The following RGL1 variants were observed in gnomAD, a reference collection of about 807,000 sequenced individuals.
The protein encoded by RGL1 is ral guanine nucleotide dissociation stimulator like 1.
RGL1 carries 24 observed loss-of-function variants against 95.2 expected under a neutral mutation model. That is an observed-to-expected ratio of 0.25 (90% CI 0.18 to 0.35). The LOEUF is 0.35. Among genes scored for constraint, RGL1 ranks in the 10% least tolerant of loss-of-function variants. The pLI, the probability that RGL1 is intolerant of heterozygous loss-of-function variation, is 1.00. For missense variants in RGL1, 715 were observed against 936.3 expected, an observed-to-expected ratio of 0.76 and a Z score of 3.08; for synonymous variants, 329 against 344.9, an observed-to-expected ratio of 0.95 and a Z score of 0.51.
chr1:183,852,345 C>T (rs1442117560), intron 3 of RGL1, among the ~76,000 whole-genome samples: 2 of 152,056 alleles, frequency 1.3e-5, no homozygotes, highest in Admixed American at 6.6e-5. Flanking sequence ...TTTGCTTTAC[C>T]CCTTACTTGG....
chr1:183,868,402 CAGAATGGGTTAG>C (rs1665963902), intron 4 of RGL1, among the ~76,000 whole-genome samples: 1 of 152,124 alleles, frequency 6.6e-6, no homozygotes, highest in African/African-American at 2.4e-5. Flanking sequence ...GGTGATTTTT[CAGAATGGGTTAG>C]ACATAGAGCC....
At chr1:183,844,725 G>A (rs1039374321) in intron 2 of RGL1, among the ~76,000 whole-genome samples, 3 of 152,134 alleles carry the variant, frequency 2.0e-5, no homozygotes, top group Admixed American at 6.6e-5. Context: ...GTACTACAAG[G>A]TTTGTTCTAA....
At chr1:183,857,151 A>T (rs7527685) in intron 3 of RGL1, among the ~76,000 whole-genome samples, 2 of 152,086 alleles carry the variant, frequency 1.3e-5, no homozygotes, top group Non-Finnish European at 2.9e-5. Flanking sequence ...GAGGCAGAAG[A>T]CAGAGAAAGA....
chr1:183,858,747 G>T (rs755975245), intron 3 of RGL1, among the ~76,000 whole-genome samples: 4 of 152,066 alleles, frequency 2.6e-5, no homozygotes, highest in South Asian at 2.1e-4. Flanking sequence ...CTAGTCCTGG[G>T]AACACAATTC....
At chr1:183,713,462 A>T (rs1655433670) in intron 1 of RGL1, among the ~76,000 whole-genome samples, 1 of 142,112 alleles carries the variant, frequency 7.0e-6, no homozygotes, top group African/African-American at 2.6e-5. Context: ...AGCCAGTTGA[A>T]TGTGATTTCC....
intron 2 of RGL1, among the ~76,000 whole-genome samples, chr1:183,793,474 T>A (rs1660534732): frequency 1.3e-5 from 2 of 151,286 alleles, no homozygotes; most frequent in Admixed American, 6.6e-5. Flanking sequence ...ATCCACAGAG[T>A]GAAGAGACAA....
At chr1:183,649,162 C>G (rs1650536087) in intron 1 of RGL1, among the ~76,000 whole-genome samples, 1 of 152,202 alleles carries the variant, frequency 6.6e-6, no homozygotes, top group Admixed American at 6.5e-5. Flanking sequence ...TTGGGAGCCA[C>G]AGATTCCTTG....
At chr1:183,849,691 A>G (rs1664707424) in intron 3 of RGL1, among the ~76,000 whole-genome samples, 1 of 151,936 alleles carries the variant, frequency 6.6e-6, no homozygotes, top group Non-Finnish European at 1.5e-5. Flanking sequence ...GGGCTTTACC[A>G]TGTTGGCCAG....
At chr1:183,690,742 AAG>A (rs770015943) in intron 1 of RGL1, among the ~76,000 whole-genome samples, 192 of 152,280 alleles carry the variant, frequency 1.3e-3, no homozygotes, top group Non-Finnish European at 2.1e-3. Flanking sequence ...AAAAAAAAAA[AAG>A]AATGTATTTC....
intron 2 of RGL1, among the ~76,000 whole-genome samples, chr1:183,824,253 C>T (rs985257390): frequency 3.3e-5 from 5 of 152,288 alleles, no homozygotes; most frequent in Admixed American, 3.3e-4. Flanking sequence ...ACCCTTTAGA[C>T]ACCACTGTGA....
At chr1:183,905,517 A>G (rs1039922745) in intron 13 of RGL1, among the ~76,000 whole-genome samples, 2 of 152,248 alleles carry the variant, frequency 1.3e-5, no homozygotes, top group African/African-American at 4.8e-5. Context: ...AAGGAGAAAC[A>G]AGATTTTGCC....
At chr1:183,811,525 G>A (rs557342424) in intron 2 of RGL1, among the ~76,000 whole-genome samples, 73 of 152,294 alleles carry the variant, frequency 4.8e-4, no homozygotes, top group African/African-American at 1.7e-3. Flanking sequence ...TCAGAATTTA[G>A]CAGCTATGTG....
intron 1 of RGL1, among the ~76,000 whole-genome samples, chr1:183,731,150 C>T (rs1392140963): frequency 3.3e-5 from 5 of 152,102 alleles, no homozygotes. Context: ...ATCATAAACC[C>T]ATCAATCTCT....
intron 15 of RGL1, among the ~76,000 whole-genome samples, chr1:183,913,735 A>T (rs1433419079): frequency 6.6e-6 from 1 of 152,174 alleles, no homozygotes; most frequent in Non-Finnish European, 1.5e-5. Flanking sequence ...GTTGCTTCAC[A>T]TGGTGTTAAA....
chr1:183,700,795 C>T (rs747586717), intron 1 of RGL1, among the ~76,000 whole-genome samples: 9 of 152,134 alleles, frequency 5.9e-5, no homozygotes, highest in Non-Finnish European at 1.0e-4. Context: ...CCGCCCACCT[C>T]GGCCTTCCAA....
chr1:183,792,819 A>G (rs1660500846), intron 2 of RGL1, among the ~76,000 whole-genome samples: 1 of 152,190 alleles, frequency 6.6e-6, no homozygotes, highest in Non-Finnish European at 1.5e-5. Flanking sequence ...AACAAAGGAA[A>G]GACATTCCAT....
At chr1:183,667,711 T>C (rs1377167910) in intron 1 of RGL1, among the ~76,000 whole-genome samples, 1 of 152,224 alleles carries the variant, frequency 6.6e-6, no homozygotes, top group African/African-American at 2.4e-5. Flanking sequence ...GCTCTTATTC[T>C]TTGTTTCTAT....
At chr1:183,900,324 A>G in intron 11 of RGL1, 88 bp downstream of exon 11, 5 of 998,102 alleles carry the variant, frequency 5.0e-6, no homozygotes, top group Non-Finnish European at 7.9e-6. Flanking sequence ...GTATCTTTTG[A>G]AGGTCCAAAA....
intron 1 of RGL1, among the ~76,000 whole-genome samples, chr1:183,676,337 T>C (rs1275533951): frequency 1.3e-5 from 2 of 152,120 alleles, no homozygotes; most frequent in Non-Finnish European, 2.9e-5. Context: ...CAAAAGAGTT[T>C]GAAAGCTGCT....
Sources: gnomAD v4.1 joint callset for allele counts (sites outside exome capture counted in the v4.1 genomes callset) on GRCh38, gnomAD v4.1.1 for gene constraint, MANE v1.5 for transcripts, NCBI Gene and HGNC (gene_info 2026-07-23, HGNC 2026-07-21) for gene names.